Variants in DENND1A observed in about 807,000 individuals in gnomAD.
DENND1A encodes DENN domain containing 1A.
A neutral mutation model predicts 113.7 loss-of-function variants in DENND1A; 51 were observed. The ratio of observed to expected loss-of-function variants is 0.45; its 90% CI spans 0.36 to 0.57. The LOEUF (loss-of-function observed/expected upper bound fraction) is 0.57, where lower values mean the gene tolerates loss of function less well. Among genes scored for constraint, DENND1A ranks in the 20% least tolerant of loss-of-function variants. The pLI is 0.00. For missense variants in DENND1A, 1,258 were observed against 1,395.9 expected (o/e 0.90, Z 1.57); for synonymous variants, 565 against 570.8 (o/e 0.99, Z 0.14).
intron 13 of DENND1A, among the ~76,000 whole-genome samples, chr9:123,519,186 T>C (rs919483407): frequency 3.9e-5 from 6 of 152,230 alleles, no homozygotes; most frequent in African/African-American, 9.6e-5. Context: ...TCACCTCCTG[T>C]ACAGCGCGGA....
At chr9:123,793,810 C>G (rs756957508) in intron 2 of DENND1A, among the ~76,000 whole-genome samples, 4 of 152,104 alleles carry the variant, frequency 2.6e-5, no homozygotes, top group Non-Finnish European at 5.9e-5. Flanking sequence ...TTTTAAAACA[C>G]AAGACTAATA....
intron 13 of DENND1A, among the ~76,000 whole-genome samples, chr9:123,535,120 A>G (rs2055637394): frequency 6.6e-6 from 1 of 152,166 alleles, no homozygotes; most frequent in South Asian, 2.1e-4. Flanking sequence ...CACTGACCAC[A>G]GTGGTCTCTC....
chr9:123,459,861 C>T (rs554869433), intron 13 of DENND1A, among the ~76,000 whole-genome samples: 81 of 152,278 alleles, frequency 5.3e-4, no homozygotes, highest in Non-Finnish European at 8.2e-4. Flanking sequence ...GCTGGGCAGA[C>T]TTATTGCACA....
At chr9:123,792,723 C>A in intron 2 of DENND1A, 93 bp from the exon 3 acceptor site, 1 of 1,446,382 alleles carries the variant, frequency 6.9e-7, no homozygotes. Flanking sequence ...ATGATAGCAG[C>A]CCTGGCAGGG....
Position 123,380,046 on chromosome 9 carries a change from A to G in DENND1A, c.*1386T>C, listed in dbSNP as rs1274718894. 6.6e-6 allele frequency: 1 copy of G among 152,296 alleles called. No individual in the cohort carries two copies. The highest frequency in any genetic ancestry group is 1.5e-5 in the Non-Finnish European group (1 of 68,098). 9.4% of individuals were successfully genotyped at this position (152,296 alleles called of 1,614,324 possible). A position where few individuals can be genotyped will look rare whatever the true frequency, so the allele number is the denominator to read the frequency against. On this transcript the variant is annotated 3_prime_UTR_variant, in exon 24 of 24. Transcript: ENST00000394215. ...CCGCCAAGCCTCACTGAGCATGTGC[A>G]GCAGTGGCAGCCTCTCAGACATAGA...
intron 2 of DENND1A, among the ~76,000 whole-genome samples, chr9:123,815,396 T>C (rs1436204815): frequency 6.6e-6 from 1 of 152,194 alleles, no homozygotes; most frequent in African/African-American, 2.4e-5. Flanking sequence ...ACTGTCTCAG[T>C]AAATTCACAT....
At chr9:123,734,855 A>T (rs983646067) in intron 5 of DENND1A, among the ~76,000 whole-genome samples, 4 of 152,140 alleles carry the variant, frequency 2.6e-5, no homozygotes, top group Admixed American at 6.6e-5. Context: ...TTTATTTTTT[A>T]AAAAAAGCCG....
At chr9:123,657,997 G>A (rs2063047735) in intron 8 of DENND1A, among the ~76,000 whole-genome samples, 1 of 152,056 alleles carries the variant, frequency 6.6e-6, no homozygotes, top group Non-Finnish European at 1.5e-5. Flanking sequence ...ACTCTTAAGA[G>A]CAACAATGGA....
chr9:123,837,462 T>TTATA (rs1841203708), intron 2 of DENND1A, among the ~76,000 whole-genome samples: 1 of 152,142 alleles, frequency 6.6e-6, no homozygotes, highest in African/African-American at 2.4e-5. Context: ...GATACAAACA[T>TTATA]TATATATATG....
chr9:123,738,949 G>A (rs1388396953), intron 5 of DENND1A, among the ~76,000 whole-genome samples: 1 of 152,166 alleles, frequency 6.6e-6, no homozygotes, highest in East Asian at 1.9e-4. Context: ...GCAACATTTT[G>A]CAATAACTTG....
At chr9:123,742,813 G>C (rs1564179918) in intron 5 of DENND1A, among the ~76,000 whole-genome samples, 1 of 152,192 alleles carries the variant, frequency 6.6e-6, no homozygotes, top group Non-Finnish European at 1.5e-5. Flanking sequence ...GGTCAACTAG[G>C]TGAGTAGAGA....
At chr9:123,505,782 T>C (rs1005918467) in intron 13 of DENND1A, among the ~76,000 whole-genome samples, 13 of 152,188 alleles carry the variant, frequency 8.5e-5, no homozygotes, top group South Asian at 4.1e-4. Context: ...GCTGTAAATA[T>C]AGCCCAAACT....
intron 11 of DENND1A, among the ~76,000 whole-genome samples, chr9:123,583,789 C>T (rs2059034723): frequency 6.6e-6 from 1 of 152,198 alleles, no homozygotes; most frequent in Non-Finnish European, 1.5e-5. Context: ...AGGAAGGTCA[C>T]ACTTTCAATT....
At chr9:123,605,014 C>T (rs1327070649) in intron 11 of DENND1A, among the ~76,000 whole-genome samples, 1 of 152,138 alleles carries the variant, frequency 6.6e-6, no homozygotes, top group Admixed American at 6.5e-5. Flanking sequence ...AGCCATTATC[C>T]TCAGTTTACA....
intron 21 of DENND1A, among the ~76,000 whole-genome samples, chr9:123,393,539 A>AAT (rs1395863813): frequency 1.8e-5 from 2 of 109,382 alleles, no homozygotes; most frequent in Admixed American, 8.6e-5. Flanking sequence ...TTAAAAAAAT[A>AAT]AAAAAAAAAA....
intron 5 of DENND1A, among the ~76,000 whole-genome samples, chr9:123,688,409 G>A (rs2064954161): frequency 6.6e-6 from 1 of 152,112 alleles, no homozygotes; most frequent in Admixed American, 6.6e-5. Context: ...CTCATTCATT[G>A]CCTAATATAT....
chr9:123,582,403 C>CT (rs1239970444), intron 12 of DENND1A, among the ~76,000 whole-genome samples: 3,756 of 144,110 alleles, frequency 0.026, 148 homozygotes, highest in African/African-American at 0.084. Context: ...TTCTAACTTT[C>CT]TTTTTTTTTT....
Position 123,494,086 on chromosome 9 carries a change from T to G in DENND1A, c.994-36189A>C, listed in dbSNP as rs144441571. Among the ~76,000 whole-genome samples, 346 of 152,292 alleles carry G rather than the reference T, an allele frequency of 2.3e-3. 1 individual carries two copies. The highest frequency in any genetic ancestry group is 3.8e-3 in the Non-Finnish European group (256 of 68,028). ...ATGGCACATTCCCCTAGGAAATTGC[T>G]TTGAGTGGGCAGGGCTCAGGGTCTC... is the stretch of plus-strand genomic sequence containing the variant. On this transcript the variant is annotated intron_variant, in intron 13 of 23. Transcript: ENST00000394215.
intron 3 of DENND1A, among the ~76,000 whole-genome samples, chr9:123,774,141 C>G (rs1830135077): frequency 6.6e-6 from 1 of 151,846 alleles, no homozygotes; most frequent in East Asian, 1.9e-4. Flanking sequence ...TAAAATACTC[C>G]CTATGTTTAA....
Sources: allele counts gnomAD v4.1 joint callset (sites outside exome capture counted in the v4.1 genomes callset), GRCh38; gene constraint gnomAD v4.1.1; transcripts MANE v1.5; gene names NCBI Gene and HGNC (gene_info 2026-07-23, HGNC 2026-07-21).